The following DSG2 variants were observed in gnomAD, a reference collection of about 807,000 sequenced individuals.
DSG2 encodes desmoglein-2.
Under a neutral mutation model 75.6 loss-of-function variants are expected in DSG2, and 45 were observed. That is an observed-to-expected ratio of 0.60 (90% CI 0.47 to 0.76). The LOEUF (loss-of-function observed/expected upper bound fraction) is 0.76. Ranked by LOEUF, DSG2 falls within the 30% of genes least tolerant of loss-of-function variation. The pLI is 0.00. For synonymous variants in DSG2, 429 were observed against 483.9 expected (o/e 0.89, Z 1.49); for missense variants, 1,267 against 1,357.4 (o/e 0.93, Z 1.05).
Position 31,542,767 on chromosome 18 carries a change from C to T in DSG2, c.2249C>T (p.Ala750Val), listed in dbSNP as rs562467668. 1.9e-6 allele frequency: 3 copies of T among 1,612,450 alleles called. No homozygotes were observed. Among genetic ancestry groups the T allele is most frequent in the South Asian group, 2.2e-5 (2 of 90,980 alleles). ...MTTETTKTAR[A>V]TGASRDMAGA... ...ACTGAAACCACGAAGACCGCAAGGG[C>T]CACAGGGGCTTCCAGAGACATGGCC... The change falls in exon 14 of 15, where the codon GCC becomes GTC. Residue 750 changes from alanine to valine, a missense_variant. Coordinates refer to ENST00000261590, the MANE Select transcript of DSG2 (RefSeq NM_001943.5).
At position 31,507,433 on chromosome 18, in the gene DSG2, GTA is replaced by G. The variant is rs1460141886; in HGVS notation, c.45+9142_45+9143del. On this transcript the variant is annotated intron_variant, in intron 1 of 14. Coordinates refer to ENST00000261590, the MANE Select transcript of DSG2 (RefSeq NM_001943.5). ...AGTAGAATGATTTATAATCTTATGG[GTA>G]TATACCCAGTAATGGGATTGCTGAG... 7.9e-5 allele frequency among the ~76,000 whole-genome samples: 12 copies of G among 152,172 alleles called. No individual in the cohort carries two copies. In the East Asian group the frequency reaches 2.3e-3, roughly 29 times the overall value.
rs748800693 is a variant in DSG2, at chr18:31,545,958, G to C, written c.2572G>C (p.Ala858Pro). Reference protein sequence around the residue: ...NKEIEQRQKPATETSMNTASH... With the variant: ...NKEIEQRQKPPTETSMNTASH... ...GGAAATTGAGCAGAGACAAAAACCT[G>C]CCACAGAAACAAGTATGAACACAGC... Residue 858 changes from alanine (A) to proline (P), a missense_variant, in exon 15 of 15, where the codon GCC (alanine) becomes CCC (proline). Ala to Pro is a conservative substitution (Grantham distance 27, BLOSUM62 -1). Transcript: ENST00000261590. 1 of 1,614,134 alleles carries C rather than the reference G, an allele frequency of 6.2e-7. No individual in the cohort carries two copies. The highest frequency in any genetic ancestry group is 8.5e-7 in the Non-Finnish European group (1 of 1,180,028).
intron 1 of DSG2, among the ~76,000 whole-genome samples, chr18:31,508,778 G>C (rs2144295975): frequency 6.6e-6 from 1 of 152,260 alleles, no homozygotes; most frequent in Non-Finnish European, 1.5e-5. Context: ...TCCAGTTTAT[G>C]AATTATCCAG....
At chr18:31,513,219 G>A (rs971359219) in intron 1 of DSG2, among the ~76,000 whole-genome samples, 3 of 152,194 alleles carry the variant, frequency 2.0e-5, no homozygotes, top group Admixed American at 2.0e-4. Context: ...GAACGATTCT[G>A]TAACTTAAAG....
intron 11 of DSG2, among the ~76,000 whole-genome samples, chr18:31,537,032 G>A (rs547838340): frequency 1.3e-5 from 2 of 152,162 alleles, no homozygotes; most frequent in African/African-American, 2.4e-5. Context: ...ATGATGTGTT[G>A]ATGTGAGTTT....
At position 31,546,330 on chromosome 18, in the gene DSG2, G is replaced by A. The variant is rs781744343; in HGVS notation, c.2944G>A (p.Glu982Lys). The change falls in exon 15 of 15, where the codon GAA becomes AAA. Residue 982 changes from glutamate (E) to lysine (K), a missense_variant. By Grantham distance (56) the Glu-to-Lys change is moderately conservative (BLOSUM62 1). Transcript: ENST00000261590. ...CTTGGTAGATCAGCCTTATGCTAAT[G>A]AAGGTACAGTTGTGGTCACTGAAAG... ...STLVDQPYAN[E>K]GTVVVTERVI... 7 of 1,609,876 alleles carry A rather than the reference G, an allele frequency of 4.3e-6. No homozygotes were observed. The highest frequency in any genetic ancestry group is 3.3e-5 in the South Asian group (3 of 90,644).
At chr18:31,532,023 C>T (rs899771151) in intron 9 of DSG2, among the ~76,000 whole-genome samples, 1 of 152,232 alleles carries the variant, frequency 6.6e-6, no homozygotes, top group Non-Finnish European at 1.5e-5. Context: ...CCAGACACAA[C>T]TTTAGTGACT....
intron 9 of DSG2, among the ~76,000 whole-genome samples, chr18:31,535,044 A>C (rs1258256347): frequency 6.6e-6 from 1 of 152,166 alleles, no homozygotes; most frequent in Non-Finnish European, 1.5e-5. Flanking sequence ...CCTTAATTTT[A>C]TGTCTTGGGT....
chr18:31,524,299 A>T, intron 6 of DSG2, 149 bp from the exon 7 acceptor site: 3 of 1,125,220 alleles, frequency 2.7e-6, no homozygotes, highest in Non-Finnish European at 3.9e-6. Flanking sequence ...ACTGCAAGTA[A>T]ATAGTATCTT....
chr18:31,499,255 C>T (rs1373982715), intron 1 of DSG2, among the ~76,000 whole-genome samples: 1 of 152,130 alleles, frequency 6.6e-6, no homozygotes, highest in Non-Finnish European at 1.5e-5. Context: ...AGTTTTCTTA[C>T]GTAATAATTA....
intron 8 of DSG2, among the ~76,000 whole-genome samples, chr18:31,529,307 C>T (rs1354153828): frequency 6.6e-6 from 1 of 152,098 alleles, no homozygotes; most frequent in Non-Finnish European, 1.5e-5. Flanking sequence ...CACTTATGGC[C>T]CCAATACCTA....
In DSG2 at chr18:31,519,866, C is replaced by T. The variant is rs762526848; in HGVS notation, c.145C>T (p.Arg49Cys). The T allele has an allele frequency of 3.1e-6, 5 of 1,614,068 alleles. No homozygotes were observed. Among genetic ancestry groups the T allele is most frequent in the South Asian group, 1.1e-5 (1 of 91,074 alleles). The change falls in exon 3 of 15, where the codon CGC becomes TGC. Residue 49 changes from arginine to cysteine, a missense_variant. Arg to Cys is a radical substitution (Grantham distance 180, BLOSUM62 -3). Coordinates refer to ENST00000261590, the MANE Select transcript of DSG2 (RefSeq NM_001943.5). ...PKHPHLVRQKRAWITAPVALR... is the reference protein window; with the variant it reads ...PKHPHLVRQKCAWITAPVALR... ...ACATCCTCATTTAGTGCGGCAAAAG[C>T]GCGCCTGGATCACCGCCCCCGTGGC...
At chr18:31,511,266 A>G (rs1361735530) in intron 1 of DSG2, among the ~76,000 whole-genome samples, 4 of 152,144 alleles carry the variant, frequency 2.6e-5, no homozygotes, top group Admixed American at 6.5e-5. Context: ...AGGATGTTTG[A>G]CAGCATCTCT....
chr18:31,529,534 A>C (rs1021707909), intron 8 of DSG2, among the ~76,000 whole-genome samples: 1 of 152,180 alleles, frequency 6.6e-6, no homozygotes, highest in Admixed American at 6.5e-5. Context: ...CCTTGTCTCA[A>C]CATCATAGTG....
At position 31,519,937 on chromosome 18, in the gene DSG2, G is replaced by C; in HGVS notation, c.216G>C (p.Lys72Asn). Residue 72 changes from lysine (K) to asparagine (N), a missense_variant and splice_region_variant, in exon 3 of 15, where the codon AAG becomes AAC. Lys to Asn is a moderately conservative substitution (Grantham distance 94). Transcript: ENST00000261590. ...EDLSKKNPIA[K>N]IHSDLAEERG... ...TGTCCAAGAAGAATCCAATTGCCAA[G>C]GTACCTCCTAAAGAGGAACATGAAA... 1 of 1,614,084 alleles carries C rather than the reference G, an allele frequency of 6.2e-7. No individual in the cohort carries two copies.
At chr18:31,540,408 G>C (rs1388912193) in intron 12 of DSG2, among the ~76,000 whole-genome samples, 1 of 152,224 alleles carries the variant, frequency 6.6e-6, no homozygotes, top group African/African-American at 2.4e-5. Flanking sequence ...GTAGGTACTG[G>C]AGCTGGGACT....
chr18:31,520,883 T>C lies in DSG2; in HGVS notation c.297T>C (p.Phe99=), dbSNP rs1045965107. 6.8e-6 allele frequency: 11 copies of C among 1,613,794 alleles called. No homozygotes were observed. The highest frequency in any genetic ancestry group is 9.3e-6 in the Non-Finnish European group (11 of 1,179,860). The change falls in exon 4 of 15, where the codon TTT becomes TTC. Residue 99 remains phenylalanine, a synonymous_variant. Transcript: ENST00000261590. ...GAAAAGGGATTACAGAGCCACCTTT[T>C]GGTATATTTGTCTTTAACAAAGATA... ...YTGKGITEPP[F]GIFVFNKDTG...
rs1043536921 is a variant in DSG2 at position 31,510,588 on chromosome 18, A to G, written c.46-7651A>G. Among the ~76,000 whole-genome samples the G allele has an allele frequency of 2.0e-5, 3 of 151,882 alleles. 1 individual carries two copies. The highest frequency in any genetic ancestry group is 4.4e-5 in the Non-Finnish European group (3 of 67,954). The stretch of plus-strand genomic sequence containing the variant: ...GTTTGGTATTCCCTCATGCCTCTGC[A>G]GGAAAAAAAAAAAAATCTTTTGCCA... On this transcript the variant is annotated intron_variant, in intron 1 of 14. Transcript: ENST00000261590.
In DSG2 at chr18:31,545,737, C is replaced by G; in HGVS notation, c.2351C>G (p.Thr784Ser). The stretch of plus-strand genomic sequence containing the variant: ...TCATTTTAGAAAGCGGCCTCTTACA[C>G]TGAGGAAGATGAAAATCACACAGCC... Reference protein sequence around the residue: ...NYFTDKAASYTEEDENHTAKD... With the variant: ...NYFTDKAASYSEEDENHTAKD... Residue 784 changes from threonine (T) to serine (S), a missense_variant, in exon 15 of 15, where the codon ACT becomes AGT. Physicochemically the swap from Thr to Ser is moderately conservative, Grantham distance 58. Transcript: ENST00000261590. 6.2e-7 allele frequency: 1 copy of G among 1,613,934 alleles called. No homozygotes were observed.
Sources: gnomAD v4.1 joint callset for allele counts (sites outside exome capture counted in the v4.1 genomes callset) on GRCh38, gnomAD v4.1.1 for gene constraint, MANE v1.5 for transcripts, NCBI Gene and HGNC (gene_info 2026-07-23, HGNC 2026-07-21) for gene names.